The following POMGNT2 variants were observed in gnomAD, a reference collection of about 807,000 sequenced individuals.
POMGNT2 encodes the protein protein O-linked mannose N-acetylglucosaminyltransferase 2 (beta 1,4-), also known as protein O-linked-mannose beta-1,4-N-acetylglucosaminyltransferase 2.
In POMGNT2, 32 loss-of-function variants were observed where a neutral mutation model predicts 37.8. That is an observed-to-expected ratio of 0.85 (90% confidence interval 0.64 to 1.14). The LOEUF (loss-of-function observed/expected upper bound fraction) is 1.14. POMGNT2 is among the 50% of genes most tolerant of loss of function. The pLI is 0.00. For synonymous variants in POMGNT2, 340 were observed against 336.8 expected (o/e 1.01, Z -0.10); for missense variants, 705 against 780.6 (o/e 0.90, Z 1.15).
chr3:43,091,379 T>G (rs919488646), intron 1 of POMGNT2, among the ~76,000 whole-genome samples: 1 of 152,166 alleles, frequency 6.6e-6, no homozygotes, highest in Non-Finnish European at 1.5e-5. Flanking sequence ...GTAATAGTAA[T>G]GAATTATAAC....
chr3:43,097,441 C>T (rs1416373960), intron 1 of POMGNT2, among the ~76,000 whole-genome samples: 2 of 151,906 alleles, frequency 1.3e-5, no homozygotes, highest in Non-Finnish European at 2.9e-5. Context: ...GCTTCTCTTC[C>T]TGGCTTGTAG....
At chr3:43,099,118 A>G (rs1274739042) in intron 1 of POMGNT2, among the ~76,000 whole-genome samples, 2 of 152,190 alleles carry the variant, frequency 1.3e-5, no homozygotes, top group Non-Finnish European at 2.9e-5. Flanking sequence ...CAGGTTTTCT[A>G]GGTGGAACTA....
intron 1 of POMGNT2, among the ~76,000 whole-genome samples, chr3:43,095,747 G>T (rs2089975386): frequency 6.6e-6 from 1 of 152,210 alleles, no homozygotes; most frequent in African/African-American, 2.4e-5. Flanking sequence ...AGACTGTGTT[G>T]AAAACCACCC....
chr3:43,095,580 C>T (rs2089974145), intron 1 of POMGNT2, among the ~76,000 whole-genome samples: 1 of 152,198 alleles, frequency 6.6e-6, no homozygotes, highest in Non-Finnish European at 1.5e-5. Flanking sequence ...GGCTGTCTTG[C>T]CCTAAAGCGT....
intron 1 of POMGNT2, among the ~76,000 whole-genome samples, chr3:43,097,138 A>C (rs1450500171): frequency 6.6e-6 from 1 of 152,176 alleles, no homozygotes; most frequent in Non-Finnish European, 1.5e-5. Context: ...AAAGCCCATA[A>C]GGGCTTTAAG....
chr3:43,085,861 C>T (rs893503374), intron 1 of POMGNT2, among the ~76,000 whole-genome samples: 3 of 152,254 alleles, frequency 2.0e-5, no homozygotes, highest in African/African-American at 7.2e-5. Context: ...TGCTCACTGG[C>T]ATTCCTGGAT....
intron 1 of POMGNT2, chr3:43,090,716 G>C (rs1181687739): frequency 6.6e-6 from 1 of 152,180 alleles, no homozygotes; most frequent in Non-Finnish European, 1.5e-5. Flanking sequence ...AAAGAGAATG[G>C]AAAGACAGCA....
chr3:43,089,484 T>A (rs6796406), intron 1 of POMGNT2, among the ~76,000 whole-genome samples: 1,596 of 152,298 alleles, frequency 0.01, 26 homozygotes, highest in African/African-American at 0.037. Context: ...GTTTGAACTG[T>A]ATCTTCTAGG....
rs960690723 is a variant in POMGNT2, at chr3:43,079,556, A to G, written c.*133T>C. 6 of 763,268 alleles carry G rather than the reference A, an allele frequency of 7.9e-6. No individual in the cohort carries two copies. Among genetic ancestry groups the G allele is most frequent in the African/African-American group, 1.8e-5 (1 of 56,812 alleles). 47.3% of individuals were successfully genotyped at this position (763,268 alleles called of 1,614,324 possible). A position where few individuals can be genotyped will look rare whatever the true frequency, so the allele number is the denominator to read the frequency against. ...GGAGTGCTGTGACACCACACCCCAG[A>G]GACAACAAGATGATGTGGAGGCACA... On this transcript the variant is annotated 3_prime_UTR_variant, in exon 2 of 2. Transcript: ENST00000344697.
intron 1 of POMGNT2, among the ~76,000 whole-genome samples, chr3:43,087,025 A>G (rs2089902735): frequency 6.6e-6 from 1 of 152,196 alleles, no homozygotes; most frequent in South Asian, 2.1e-4. Flanking sequence ...ACAGAAGGCC[A>G]TGTGAAGATG....
chr3:43,088,528 C>T (rs1201996306), intron 1 of POMGNT2, among the ~76,000 whole-genome samples: 1 of 152,224 alleles, frequency 6.6e-6, no homozygotes, highest in African/African-American at 2.4e-5. Flanking sequence ...CCTGCTGACA[C>T]CCACGAGGCT....
rs200535361 is a variant in POMGNT2 at position 43,080,422 on chromosome 3, T to C, written c.1010A>G (p.Asn337Ser). 1.3e-4 allele frequency: 211 copies of C among 1,614,148 alleles called. 1 individual carries two copies. The Middle Eastern group carries it at 7.3e-3, about 56-fold the overall frequency. ...ATGCATGCTGACCAGCATGGAGGCA[T>C]TGCTGACCAGCCGCACGACATCAGC... Reference protein sequence around the residue: ...TFADVVRLVSNASMLVSMHGA... With the variant: ...TFADVVRLVSSASMLVSMHGA... The change falls in exon 2 of 2, where the codon AAT (asparagine) becomes AGT (serine). Residue 337 changes from asparagine to serine, a missense_variant. By Grantham distance (46) the Asn-to-Ser change is conservative. Coordinates refer to ENST00000344697, the MANE Select transcript of POMGNT2 (RefSeq NM_032806.6).
At chr3:43,082,670 C>G (rs2089866134) in intron 1 of POMGNT2, among the ~76,000 whole-genome samples, 1 of 152,204 alleles carries the variant, frequency 6.6e-6, no homozygotes, top group Admixed American at 6.5e-5. Context: ...CAGCTGACAC[C>G]TGCAGGGCAC....
At position 43,080,681 on chromosome 3, in the gene POMGNT2, G is replaced by A; in HGVS notation, c.751C>T (p.Gln251Ter). The A allele has an allele frequency of 6.2e-7, 1 of 1,614,218 alleles. No individual in the cohort carries two copies. The highest frequency in any genetic ancestry group is 2.2e-5 in the East Asian group (1 of 44,872). Residue 251 changes from glutamine to a stop codon, truncating the protein, a stop_gained, in exon 2 of 2, where the codon CAG becomes TAG. Transcript: ENST00000344697. LOFTEE classifies it high-confidence loss of function. ...TWYQYGFVQP[Q>*]GPKANILVSG... ...ACGAGGATGTTGGCCTTCGGGCCCTGGGGCTGCACAAAGCCATACTGGTAC... is the reference window on the plus strand; with the variant it reads ...ACGAGGATGTTGGCCTTCGGGCCCTAGGGCTGCACAAAGCCATACTGGTAC...
chr3:43,080,667 G>A lies in POMGNT2; in HGVS notation c.765C>T (p.Ala255=). ...YGFVQPQGPK[A]NILVSGNEIR... The stretch of plus-strand genomic sequence containing the variant: ...TCTCATTGCCTGAGACGAGGATGTT[G>A]GCCTTCGGGCCCTGGGGCTGCACAA... The change falls in exon 2 of 2, where the codon GCC becomes GCT. Residue 255 remains alanine (A), a synonymous_variant. Transcript: ENST00000344697. 8 of 1,614,194 alleles carry A rather than the reference G, an allele frequency of 5.0e-6. No individual in the cohort carries two copies. Among genetic ancestry groups the A allele is most frequent in the Non-Finnish European group, 5.9e-6 (7 of 1,180,036 alleles).
chr3:43,100,130 A>C (rs1314700285), intron 1 of POMGNT2, among the ~76,000 whole-genome samples: 1 of 150,642 alleles, frequency 6.6e-6, no homozygotes, highest in African/African-American at 2.5e-5. Flanking sequence ...ACCCAGATTC[A>C]CCAACTGCTA....
intron 1 of POMGNT2, among the ~76,000 whole-genome samples, chr3:43,087,206 T>A (rs147756950): frequency 0.018 from 2,684 of 152,286 alleles, 72 homozygotes; most frequent in African/African-American, 0.061. Context: ...TGGGAGAGAA[T>A]AAATTTCTTT....
chr3:43,102,789 C>T (rs372490165), intron 1 of POMGNT2, among the ~76,000 whole-genome samples: 2 of 152,156 alleles, frequency 1.3e-5, no homozygotes, highest in Non-Finnish European at 2.9e-5. Context: ...TTCTTAGTAC[C>T]GTGCTCATCT....
chr3:43,087,351 C>T (rs568643892), intron 1 of POMGNT2: 1 of 152,348 alleles, frequency 6.6e-6, no homozygotes, highest in African/African-American at 2.4e-5. Flanking sequence ...GGTTAACAAC[C>T]ACTAAGCAAG....
Sources: gnomAD v4.1 joint callset for allele counts (sites outside exome capture counted in the v4.1 genomes callset) on GRCh38, gnomAD v4.1.1 for gene constraint, MANE v1.5 for transcripts, NCBI Gene and HGNC (gene_info 2026-07-23, HGNC 2026-07-21) for gene names.